Variants in NXPE2 observed in about 807,000 individuals in gnomAD.
The protein encoded by NXPE2 is neurexophilin and PC-esterase domain family member 2, also known as NXPE family member 2.
Under a neutral mutation model 34.4 loss-of-function variants are expected in NXPE2, and 34 were observed. That is an observed-to-expected ratio of 0.99 (90% CI 0.75 to 1.31). The LOEUF (loss-of-function observed/expected upper bound fraction) is 1.31. Ranked by LOEUF, NXPE2 falls within the 40% of genes most tolerant of loss-of-function variation. The probability of loss-of-function intolerance (pLI) is 0.00; values close to 1 mark genes in which losing one functional copy is unlikely to be tolerated. For synonymous variants in NXPE2, 235 were observed against 231.3 expected, an observed-to-expected ratio of 1.02 and a Z score of -0.15; for missense variants, 649 against 672.5, an observed-to-expected ratio of 0.97 and a Z score of 0.39.
the NXPE2 span, among the ~76,000 whole-genome samples, chr11:114,731,328 C>G: frequency 5.3e-5 from 8 of 152,134 alleles, no homozygotes; most frequent in African/African-American, 1.7e-4. Context: ...TCTTAGAAGA[C>G]AAAACATGCA....
chr11:114,539,745 A>G, the NXPE2 span, among the ~76,000 whole-genome samples: 2,065 of 152,304 alleles, frequency 0.014, 36 homozygotes, highest in African/African-American at 0.046. Flanking sequence ...GAAATAAAAT[A>G]TAATTGTAAA....
the NXPE2 span, among the ~76,000 whole-genome samples, chr11:114,613,985 A>G: frequency 6.8e-6 from 1 of 147,466 alleles, no homozygotes; most frequent in East Asian, 2.1e-4. Flanking sequence ...TATTGCCTCT[A>G]GGGTTACCAC....
At chr11:114,502,574 T>C in the NXPE2 span, among the ~76,000 whole-genome samples, 2 of 152,240 alleles carry the variant, frequency 1.3e-5, no homozygotes, top group African/African-American at 4.8e-5. Flanking sequence ...ATTTTTCATA[T>C]CTGGAAGTAT....
chr11:114,552,827 A>T, the NXPE2 span: 1 of 942,024 alleles, frequency 1.1e-6, no homozygotes, highest in Non-Finnish European at 1.3e-6. Context: ...CTTTAAACTT[A>T]TTCTGTAAAA....
chr11:114,601,777 A>C, the NXPE2 span, among the ~76,000 whole-genome samples: 1 of 73,264 alleles, frequency 1.4e-5, no homozygotes, highest in African/African-American at 5.5e-5. Context: ...ATATATTATA[A>C]TTATATAACA....
chr11:114,493,170 C>T, the NXPE2 span, among the ~76,000 whole-genome samples: 1 of 152,054 alleles, frequency 6.6e-6, no homozygotes, highest in Non-Finnish European at 1.5e-5. Flanking sequence ...CATGAAATGT[C>T]TTTTTCCATC....
At chr11:114,594,667 T>C in the NXPE2 span, 1 of 1,587,422 alleles carries the variant, frequency 6.3e-7, no homozygotes, top group Non-Finnish European at 8.6e-7. Flanking sequence ...TTCCTACCTT[T>C]GTGGAGTTCT....
the NXPE2 span, chr11:114,529,997 T>G: frequency 3.3e-6 from 2 of 599,450 alleles, no homozygotes; most frequent in African/African-American, 1.9e-5. Context: ...TGGGACAATA[T>G]AGTGAAAATG....
chr11:114,523,317 C>A, the NXPE2 span, among the ~76,000 whole-genome samples: 1 of 151,972 alleles, frequency 6.6e-6, no homozygotes, highest in Admixed American at 6.6e-5. Context: ...AATTCCTTTC[C>A]TCCTAAATTT....
At chr11:114,748,369 A>C in the NXPE2 span, among the ~76,000 whole-genome samples, 1 of 152,320 alleles carries the variant, frequency 6.6e-6, no homozygotes, top group East Asian at 1.9e-4. Context: ...ACATTGATGC[A>C]TCACTATCAT....
chr11:114,757,393 A>G, the NXPE2 span, among the ~76,000 whole-genome samples: 1 of 149,114 alleles, frequency 6.7e-6, no homozygotes, highest in Admixed American at 6.8e-5. Context: ...TGGTGAGAGG[A>G]GCAAAAATTC....
At chr11:114,725,204 A>G in the NXPE2 span, among the ~76,000 whole-genome samples, 2 of 152,144 alleles carry the variant, frequency 1.3e-5, no homozygotes, top group Non-Finnish European at 1.5e-5. Flanking sequence ...ATTTCCATTT[A>G]TATCAGTTGT....
the NXPE2 span, among the ~76,000 whole-genome samples, chr11:114,737,733 A>G: frequency 6.6e-6 from 1 of 152,104 alleles, no homozygotes; most frequent in Non-Finnish European, 1.5e-5. Flanking sequence ...CAACTGAGAG[A>G]AACAAAATAG....
chr11:114,597,809 C>T, the NXPE2 span, among the ~76,000 whole-genome samples: 1 of 152,112 alleles, frequency 6.6e-6, no homozygotes, highest in South Asian at 2.1e-4. Flanking sequence ...AAAGTTGCAA[C>T]AATTTGAGCC....
chr11:114,633,348 T>G, the NXPE2 span, among the ~76,000 whole-genome samples: 1 of 142,876 alleles, frequency 7.0e-6, no homozygotes, highest in Non-Finnish European at 1.5e-5. Flanking sequence ...TATTATATGA[T>G]TATATTATAT....
the NXPE2 span, among the ~76,000 whole-genome samples, chr11:114,755,528 T>C: frequency 6.6e-6 from 1 of 152,210 alleles, no homozygotes; most frequent in Admixed American, 6.5e-5. Context: ...CACATTAGTA[T>C]CTTAAACCAT....
At chr11:114,629,651 G>A in the NXPE2 span, among the ~76,000 whole-genome samples, 1 of 152,048 alleles carries the variant, frequency 6.6e-6, no homozygotes, top group African/African-American at 2.4e-5. Flanking sequence ...ATTCATCAGA[G>A]TGTTGGAAGT....
the NXPE2 span, chr11:114,584,224 A>T: frequency 2.5e-6 from 1 of 404,654 alleles, no homozygotes; most frequent in Non-Finnish European, 4.9e-6. Flanking sequence ...GGATATGGAG[A>T]TCCCTAATGA....
At chr11:114,601,437 T>G in the NXPE2 span, among the ~76,000 whole-genome samples, 2 of 129,388 alleles carry the variant, frequency 1.5e-5, no homozygotes, top group Non-Finnish European at 3.1e-5. Flanking sequence ...CTTTTTAAAT[T>G]TATGTATATA....
Sources: gnomAD v4.1 joint callset for allele counts (sites outside exome capture counted in the v4.1 genomes callset) on GRCh38, gnomAD v4.1.1 for gene constraint, MANE v1.5 for transcripts, NCBI Gene and HGNC (gene_info 2026-07-23, HGNC 2026-07-21) for gene names.